The following ESR1 variants were observed in gnomAD, a reference collection of about 807,000 sequenced individuals.
ESR1 encodes the protein estrogen receptor.
Under a neutral mutation model 52.7 loss-of-function variants are expected in ESR1, and 12 were observed. That is an observed-to-expected ratio of 0.23 (90% CI 0.15 to 0.37). The LOEUF is 0.37. Ranked by LOEUF, ESR1 falls within the 10% of genes least tolerant of loss-of-function variation. The probability of loss-of-function intolerance (pLI) is 1.00; values close to 1 mark genes in which losing one functional copy is unlikely to be tolerated. For missense variants in ESR1, 584 were observed against 779.7 expected, an observed-to-expected ratio of 0.75 and a Z score of 2.99; for synonymous variants, 305 against 316.8, an observed-to-expected ratio of 0.96 and a Z score of 0.39.
rs918667398 is a variant in ESR1, at chr6:152,102,836, C to T, written c.*3870C>T. On this transcript the variant is annotated 3_prime_UTR_variant, in exon 8 of 8. Transcript: ENST00000206249. ...AAATGCTGCCATGTTCCAAACCCAT[C>T]GTCAGTGTGTGTGTTTAGAGCTGTG... 20 of 226,128 alleles carry T rather than the reference C, an allele frequency of 8.8e-5. No individual in the cohort carries two copies. The highest frequency in any genetic ancestry group is 8.0e-4 in the Admixed American group (14 of 17,482). The allele number at this position is 226,128 out of a possible 1,614,324, so 14.0% of individuals were successfully genotyped here.
chr6:151,799,019 G>A (rs1776975189), intron 2 of ESR1, among the ~76,000 whole-genome samples: 2 of 152,202 alleles, frequency 1.3e-5, no homozygotes, highest in African/African-American at 4.8e-5. Flanking sequence ...TGTGAAGGCA[G>A]TCTTGTTGTA....
chr6:151,816,380 G>T (rs773629065), intron 1 of ESR1, among the ~76,000 whole-genome samples: 37 of 152,180 alleles, frequency 2.4e-4, no homozygotes, highest in Admixed American at 1.3e-4. Context: ...CTGGCAAATT[G>T]CTTAACTGTG....
intron 1 of ESR1, among the ~76,000 whole-genome samples, chr6:151,824,111 C>T (rs1211790231): frequency 6.6e-6 from 1 of 152,152 alleles, no homozygotes; most frequent in Non-Finnish European, 1.5e-5. Context: ...GTTCCTGTTT[C>T]TCCACATCCT....
At chr6:151,853,235 A>T (rs1787209609) in intron 2 of ESR1, among the ~76,000 whole-genome samples, 1 of 151,576 alleles carries the variant, frequency 6.6e-6, no homozygotes, top group Admixed American at 6.6e-5. Context: ...AAGAAAGAGA[A>T]AGAAAGGCGG....
chr6:151,676,981 A>C (rs1429265288), intron 1 of ESR1, among the ~76,000 whole-genome samples: 1 of 152,172 alleles, frequency 6.6e-6, no homozygotes, highest in Non-Finnish European at 1.5e-5. Context: ...AGAATACCCA[A>C]AAGAGGTTTT....
intron 2 of ESR1, among the ~76,000 whole-genome samples, chr6:151,754,725 T>C (rs1185680173): frequency 2.0e-5 from 3 of 152,216 alleles, no homozygotes; most frequent in Admixed American, 6.5e-5. Context: ...GCTCCATTTT[T>C]CCACAATCTC....
chr6:151,815,778 A>T (rs760599303), intron 1 of ESR1, among the ~76,000 whole-genome samples: 1 of 152,094 alleles, frequency 6.6e-6, no homozygotes, highest in Non-Finnish European at 1.5e-5. Context: ...ATGGCAAAAA[A>T]ATTTGAGTTA....
chr6:151,868,117 CTTTG>C (rs1790282488), intron 2 of ESR1, among the ~76,000 whole-genome samples: 2 of 136,742 alleles, frequency 1.5e-5, no homozygotes, highest in African/African-American at 2.6e-5. Flanking sequence ...TTTTTGTTTT[CTTTG>C]TTTTTTTTTG....
chr6:151,818,198 C>G (rs758991288), intron 1 of ESR1, among the ~76,000 whole-genome samples: 4 of 152,148 alleles, frequency 2.6e-5, no homozygotes, highest in Non-Finnish European at 2.9e-5. Context: ...GGTCCTCAGT[C>G]CTCAAGCCCG....
chr6:151,944,836 T>C (rs905346072), intron 4 of ESR1, among the ~76,000 whole-genome samples: 1 of 152,234 alleles, frequency 6.6e-6, no homozygotes, highest in African/African-American at 2.4e-5. Flanking sequence ...CAGAAACTTT[T>C]AACACTAAAT....
chr6:151,764,688 C>A (rs1397925654), intron 2 of ESR1, among the ~76,000 whole-genome samples: 2 of 152,170 alleles, frequency 1.3e-5, no homozygotes, highest in Non-Finnish European at 2.9e-5. Context: ...TCCAAATTTT[C>A]TACCATTTTA....
intron 4 of ESR1, among the ~76,000 whole-genome samples, chr6:151,986,736 A>G (rs1046150136): frequency 1.3e-5 from 2 of 152,070 alleles, no homozygotes; most frequent in Admixed American, 6.6e-5. Flanking sequence ...TTATAATTCT[A>G]ATGATTTGCT....
intron 3 of ESR1, among the ~76,000 whole-genome samples, chr6:151,899,223 C>T (rs1796118406): frequency 6.9e-6 from 1 of 143,990 alleles, no homozygotes; most frequent in South Asian, 2.2e-4. Flanking sequence ...CCCCTCACCT[C>T]CCGGACTGGG....
intron 4 of ESR1, among the ~76,000 whole-genome samples, chr6:151,984,912 C>A (rs2040313556): frequency 6.6e-6 from 1 of 152,078 alleles, no homozygotes; most frequent in Non-Finnish European, 1.5e-5. Context: ...GCCATGAAAC[C>A]TGATTTCAAG....
intron 5 of ESR1, among the ~76,000 whole-genome samples, chr6:152,027,342 C>T (rs113249929): frequency 2.6e-5 from 4 of 151,808 alleles, no homozygotes; most frequent in East Asian, 3.9e-4. Flanking sequence ...TCTTTAGCCC[C>T]AACCCCATTT....
chr6:152,054,734 A>AT (rs1394971208), intron 5 of ESR1, among the ~76,000 whole-genome samples: 3 of 152,160 alleles, frequency 2.0e-5, no homozygotes, highest in African/African-American at 7.2e-5. Flanking sequence ...TATTCCCTGA[A>AT]TAGGTCTTCT....
chr6:151,682,008 A>G (rs1778479159), intron 1 of ESR1, among the ~76,000 whole-genome samples: 1 of 152,242 alleles, frequency 6.6e-6, no homozygotes, highest in Non-Finnish European at 1.5e-5. Flanking sequence ...CTGAAAAGTT[A>G]AAACATCTGG....
At chr6:151,681,848 G>A (rs929065205) in intron 1 of ESR1, among the ~76,000 whole-genome samples, 2 of 152,080 alleles carry the variant, frequency 1.3e-5, no homozygotes, top group African/African-American at 4.8e-5. Context: ...TCAACAAGTA[G>A]CAAACAAGGC....
chr6:151,739,294 A>G (rs996264832), intron 2 of ESR1, among the ~76,000 whole-genome samples: 1 of 152,242 alleles, frequency 6.6e-6, no homozygotes, highest in African/African-American at 2.4e-5. Context: ...CCTGGCAAGT[A>G]AGGGCTAAAT....
Sources: allele counts gnomAD v4.1 joint callset (sites outside exome capture counted in the v4.1 genomes callset), GRCh38; gene constraint gnomAD v4.1.1; transcripts MANE v1.5; gene names NCBI Gene and HGNC (gene_info 2026-07-23, HGNC 2026-07-21).